The following EXOC2 variants were observed in gnomAD, a reference collection of about 807,000 sequenced individuals.
EXOC2 encodes exocyst complex component 2, also known as SEC5-like 1.
A neutral mutation model predicts 131.8 loss-of-function variants in EXOC2; 70 were observed. That is an observed-to-expected ratio of 0.53 (90% CI 0.44 to 0.65). The LOEUF (loss-of-function observed/expected upper bound fraction) is 0.65, where lower values mean the gene tolerates loss of function less well. EXOC2 is among the 30% of genes least tolerant of loss of function. The probability of loss-of-function intolerance (pLI) is 0.00; values close to 1 mark genes in which losing one functional copy is unlikely to be tolerated. For missense variants in EXOC2, 923 were observed against 1,108.6 expected (o/e 0.83, Z 2.38); for synonymous variants, 411 against 398.4 (o/e 1.03, Z -0.38).
chr6:560,874 A>AT (rs1373822766), intron 17 of EXOC2, among the ~76,000 whole-genome samples: 1 of 151,668 alleles, frequency 6.6e-6, no homozygotes, highest in Non-Finnish European at 1.5e-5. Flanking sequence ...TGCCTGGCTA[A>AT]TTTTTGTATT....
chr6:619,527 T>C lies in EXOC2; in HGVS notation c.439A>G (p.Lys147Glu). 1 of 1,613,722 alleles carries C rather than the reference T, an allele frequency of 6.2e-7. No homozygotes were observed. Among genetic ancestry groups the C allele is most frequent in the Non-Finnish European group, 8.5e-7 (1 of 1,179,844 alleles). Residue 147 changes from lysine (K) to glutamate (E), a missense_variant, in exon 5 of 28, where the codon AAG becomes GAG. Coordinates refer to ENST00000230449, the MANE Select transcript of EXOC2 (RefSeq NM_018303.6). ...IEIEKSKFSQ[K>E]DLEMLFHGMS... ...CCATGGAATAGCATTTCTAAGTCCT[T>C]CTGCGAAAATTTACTTCTGAGGGGA...
chr6:673,778 A>G (rs1933649), intron 1 of EXOC2, among the ~76,000 whole-genome samples: 64,741 of 152,028 alleles, frequency 0.43, 14,904 homozygotes, highest in East Asian at 0.66. Context: ...TGAACTTAAA[A>G]ATATAATAAT....
chr6:593,775 C>T (rs574083907), intron 10 of EXOC2, among the ~76,000 whole-genome samples: 2 of 152,328 alleles, frequency 1.3e-5, no homozygotes, highest in South Asian at 4.1e-4. Flanking sequence ...TGACCTTGGG[C>T]CAGACCTCAA....
intron 3 of EXOC2, among the ~76,000 whole-genome samples, chr6:632,072 T>C (rs1425364966): frequency 6.6e-6 from 1 of 152,168 alleles, no homozygotes; most frequent in Non-Finnish European, 1.5e-5. Context: ...GTGCAAGACA[T>C]TACAGGACCA....
At chr6:620,560 C>T (rs1049761749) in intron 4 of EXOC2, among the ~76,000 whole-genome samples, 4 of 152,178 alleles carry the variant, frequency 2.6e-5, no homozygotes, top group Non-Finnish European at 5.9e-5. Context: ...ATCTCTTTAA[C>T]AGTTACGCAG....
chr6:648,352 C>G (rs1015877546), intron 1 of EXOC2, among the ~76,000 whole-genome samples: 4 of 152,146 alleles, frequency 2.6e-5, no homozygotes, highest in Non-Finnish European at 5.9e-5. Context: ...AGGAAAGAGT[C>G]TAAGGCTTTA....
chr6:625,977 T>C (rs1761545784), intron 4 of EXOC2, among the ~76,000 whole-genome samples: 2 of 152,198 alleles, frequency 1.3e-5, no homozygotes, highest in Admixed American at 1.3e-4. Flanking sequence ...CAATTGAGTA[T>C]TGATTTCAAG....
chr6:532,697 A>G, intron 22 of EXOC2, 87 bp from the exon 23 acceptor site: 2 of 1,237,270 alleles, frequency 1.6e-6, no homozygotes, highest in South Asian at 2.6e-5. Flanking sequence ...ACTTCAGACT[A>G]TAATAAAAGC....
At chr6:617,217 A>AT (rs1761059180) in intron 6 of EXOC2, among the ~76,000 whole-genome samples, 1 of 152,248 alleles carries the variant, frequency 6.6e-6, no homozygotes, top group African/African-American at 2.4e-5. Flanking sequence ...TTGCATTAAA[A>AT]TGTCTAAAGC....
intron 20 of EXOC2, 125 bp from the exon 21 acceptor site, chr6:554,045 C>T (rs1757289154): frequency 1.9e-6 from 1 of 532,100 alleles, no homozygotes; most frequent in Non-Finnish European, 3.2e-6. Context: ...AGTCACATAA[C>T]TTTTTTTTTT....
At chr6:551,188 T>C (rs965252791) in intron 21 of EXOC2, among the ~76,000 whole-genome samples, 1 of 152,152 alleles carries the variant, frequency 6.6e-6, no homozygotes, top group Non-Finnish European at 1.5e-5. Context: ...AATATGGTCT[T>C]AGATTATTTC....
intron 2 of EXOC2, among the ~76,000 whole-genome samples, chr6:636,566 T>C (rs886219695): frequency 2.0e-5 from 3 of 152,240 alleles, no homozygotes; most frequent in Non-Finnish European, 4.4e-5. Context: ...AAGAGTTTTC[T>C]GGATGGCCAA....
At chr6:491,956 C>T (rs1249421630) in intron 25 of EXOC2, among the ~76,000 whole-genome samples, 1 of 152,172 alleles carries the variant, frequency 6.6e-6, no homozygotes, top group Non-Finnish European at 1.5e-5. Flanking sequence ...AACTGGATAT[C>T]CACATGCAGA....
At chr6:691,757 A>T (rs1764937234) in intron 1 of EXOC2, among the ~76,000 whole-genome samples, 3 of 152,358 alleles carry the variant, frequency 2.0e-5, no homozygotes, top group South Asian at 4.1e-4. Flanking sequence ...TCAATACAGG[A>T]AATTAAATAC....
At chr6:488,600 C>G (rs908038) in intron 27 of EXOC2, among the ~76,000 whole-genome samples, 7 of 152,138 alleles carry the variant, frequency 4.6e-5, no homozygotes, top group Admixed American at 3.9e-4. Context: ...AAAAAATCAC[C>G]GACTCCTGCA....
At chr6:625,340 C>G (rs1324966783) in intron 4 of EXOC2, among the ~76,000 whole-genome samples, 1 of 152,174 alleles carries the variant, frequency 6.6e-6, no homozygotes, top group Non-Finnish European at 1.5e-5. Flanking sequence ...TCCGCGCTTG[C>G]GGCAAAGAGA....
At chr6:580,062 G>A (rs938956283) in intron 11 of EXOC2, among the ~76,000 whole-genome samples, 79 of 138,804 alleles carry the variant, frequency 5.7e-4, no homozygotes, top group Non-Finnish European at 9.4e-4. Flanking sequence ...TTTTTTTTGA[G>A]ATGAAGTGTC....
intron 2 of EXOC2, among the ~76,000 whole-genome samples, chr6:634,846 A>G (rs75963267): frequency 2.0e-5 from 3 of 152,178 alleles, no homozygotes; most frequent in Admixed American, 6.5e-5. Context: ...TTTTGTTATG[A>G]AAAACTTAAA....
At chr6:669,063 G>T (rs188126357) in intron 1 of EXOC2, 1 of 152,238 alleles carries the variant, frequency 6.6e-6, no homozygotes, top group Non-Finnish European at 1.5e-5. Flanking sequence ...TTTGCTCCTC[G>T]AGGACAAGTA....
Sources: allele counts gnomAD v4.1 joint callset (sites outside exome capture counted in the v4.1 genomes callset), GRCh38; gene constraint gnomAD v4.1.1; transcripts MANE v1.5; gene names NCBI Gene and HGNC (gene_info 2026-07-23, HGNC 2026-07-21).